ZBTB18: variants seen among roughly 807,000 people sequenced by gnomAD.
The protein encoded by ZBTB18 is zinc finger and BTB domain-containing protein 18.
A neutral mutation model predicts 37.7 loss-of-function variants in ZBTB18; 2 were observed. The ratio of observed to expected loss-of-function variants is 0.05; its 90% CI spans 0.02 to 0.17. The LOEUF (loss-of-function observed/expected upper bound fraction) is 0.17, where lower values mean the gene tolerates loss of function less well. ZBTB18 is among the 10% of genes least tolerant of loss of function. ZBTB18 has a pLI of 1.00. For missense variants in ZBTB18, 408 were observed against 686.3 expected, an observed-to-expected ratio of 0.59 and a Z score of 4.53; for synonymous variants, 304 against 276.5, an observed-to-expected ratio of 1.10 and a Z score of -0.99.
At position 244,053,198 on chromosome 1, in the gene ZBTB18, A is replaced by G. The variant is rs1698386705; in HGVS notation, c.14-590A>G. On this transcript the variant is annotated intron_variant, in intron 1 of 1. Coordinates refer to ENST00000358704, the MANE Select transcript of ZBTB18 (RefSeq NM_205768.3). The surrounding 1 kb of genome is among the most constrained non-coding windows in gnomAD (Gnocchi z 5.2). ...CTTTTGTTGTAACACCCTGACTTTA[A>G]AAGTAAGTTGTTTGCTAATTTCTGG... Among the ~76,000 whole-genome samples the G allele has an allele frequency of 6.6e-6, 1 of 152,176 alleles. No individual in the cohort carries two copies. Among genetic ancestry groups the G allele is most frequent in the Admixed American group, 6.5e-5 (1 of 15,284 alleles).
upstream of ZBTB18, among the ~76,000 whole-genome samples, chr1:244,050,441 C>CA (rs386370274): frequency 1.4e-5 from 2 of 140,778 alleles, no homozygotes; most frequent in East Asian, 2.3e-4. Context: ...GTGACCCCCC[C>CA]CCAAAGAAAA....
intron 1 of ZBTB18, among the ~76,000 whole-genome samples, chr1:244,052,056 A>C (rs1171992212): frequency 6.6e-6 from 1 of 152,214 alleles, no homozygotes; most frequent in African/African-American, 2.4e-5. Flanking sequence ...CAGCATAACA[A>C]TAATTATTTG....
At chr1:244,049,277 C>G (rs1698300459), upstream of ZBTB18, among the ~76,000 whole-genome samples, 1 of 142,302 alleles carries the variant, frequency 7.0e-6, no homozygotes, top group African/African-American at 2.5e-5. Context: ...GCCGCGCCCC[C>G]GCGGGCCGGT....
rs1232353596 is a variant in ZBTB18 at position 244,054,637 on chromosome 1, C to A, written c.863C>A (p.Ser288Tyr). ...CAGGTGAAGGTGGAGAAAGAGGCTT[C>A]CTGTGATGAGAGTGATGTTGGCACT... ...LVQVKVEKEA[S>Y]CDESDVGTND... The change falls in exon 2 of 2, where the codon TCC becomes TAC. Residue 288 changes from serine (S) to tyrosine (Y), a missense_variant. This residue lies in a region of ZBTB18 where 266 missense variants were observed against 312.0 expected (regional missense o/e 0.85). Coordinates refer to ENST00000358704, the MANE Select transcript of ZBTB18 (RefSeq NM_205768.3). The surrounding 1 kb of genome is among the most constrained non-coding windows in gnomAD (Gnocchi z 9.0). 1 of 1,614,220 alleles carries A rather than the reference C, an allele frequency of 6.2e-7. No individual in the cohort carries two copies. Among genetic ancestry groups the A allele is most frequent in the African/African-American group, 1.3e-5 (1 of 75,062 alleles).
In ZBTB18 at chr1:244,054,996, A is replaced by G; in HGVS notation, c.1222A>G (p.Ile408Val). 1.2e-6 allele frequency: 2 copies of G among 1,614,102 alleles called. No individual in the cohort carries two copies. The highest frequency in any genetic ancestry group is 1.7e-6 in the Non-Finnish European group (2 of 1,180,032). Residue 408 changes from isoleucine (I) to valine (V), a missense_variant, in exon 2 of 2, where the codon ATC becomes GTC. Ile to Val is a conservative substitution (Grantham distance 29, BLOSUM62 3). This residue lies in a region of ZBTB18 where 266 missense variants were observed against 312.0 expected (regional missense o/e 0.85). Transcript: ENST00000358704. The surrounding 1 kb of genome is among the most constrained non-coding windows in gnomAD (Gnocchi z 9.0). ...CACGCACTTCCGCGAGCAGGACGGC[A>G]TCCGCAGCAAGCCCGCCGCCGATGT... is the stretch of plus-strand genomic sequence containing the variant. ...LSTHFREQDG[I>V]RSKPAADVNV... is the part of the protein sequence containing the mutation.
At chr1:244,049,972 G>T (rs1224719670), upstream of ZBTB18, among the ~76,000 whole-genome samples, 1 of 152,226 alleles carries the variant, frequency 6.6e-6, no homozygotes, top group Non-Finnish European at 1.5e-5. Context: ...GAGGGCATTT[G>T]TGGAGAATAG....
chr1:244,050,722 G>T (rs1698330825), upstream of ZBTB18, among the ~76,000 whole-genome samples: 1 of 152,112 alleles, frequency 6.6e-6, no homozygotes, highest in South Asian at 2.1e-4. Context: ...TTACATAAGA[G>T]TGAAATAATA....
chr1:244,049,085 C>G (rs1428773833), upstream of ZBTB18: 49 of 145,090 alleles, frequency 3.4e-4, no homozygotes, highest in African/African-American at 1.1e-3. Flanking sequence ...TGTGCGGCCC[C>G]GGCCGGCTGG....
chr1:244,054,315 A>C lies in ZBTB18; in HGVS notation c.541A>C (p.Ser181Arg), dbSNP rs771848755. Residue 181 changes from serine to arginine, a missense_variant, in exon 2 of 2, where the codon AGC (serine) becomes CGC (arginine). Transcript: ENST00000358704. This position sits in a 1 kb window ranked among gnomAD's most constrained non-coding sequence, Gnocchi z 9.0. Reference sequence around the variant, plus strand: ...AGATGAAAAATTGAACATCCTGCCCAGCAAAAGGGACTTGGCGGCCGAGCC... The same window carrying C: ...AGATGAAAAATTGAACATCCTGCCCCGCAAAAGGGACTTGGCGGCCGAGCC... ...GEDEKLNILPSKRDLAAEPGN... is the reference protein window; with the variant it reads ...GEDEKLNILPRKRDLAAEPGN... 1 of 1,614,212 alleles carries C rather than the reference A, an allele frequency of 6.2e-7. No individual in the cohort carries two copies. Among genetic ancestry groups the C allele is most frequent in the East Asian group, 2.2e-5 (1 of 44,860 alleles).
Position 244,055,835 on chromosome 1 carries a change from C to A in ZBTB18, c.*465C>A, listed in dbSNP as rs1281707157. On this transcript the variant is annotated 3_prime_UTR_variant, in exon 2 of 2. Coordinates refer to ENST00000358704, the MANE Select transcript of ZBTB18 (RefSeq NM_205768.3). The surrounding 1 kb of genome is among the most constrained non-coding windows in gnomAD (Gnocchi z 7.0). ...TGTTGGAAACCTGAATGCTTTTAGA[C>A]CCAAATGGAAAATTTCTGAAATGCT... 2 of 166,604 alleles carry A rather than the reference C, an allele frequency of 1.2e-5. No homozygotes were observed. Among genetic ancestry groups the A allele is most frequent in the Admixed American group, 6.6e-5 (1 of 15,238 alleles). The allele number at this position is 166,604 out of a possible 1,614,324, so 10.3% of individuals were successfully genotyped here.
rs774550090 is a variant in ZBTB18 at position 244,054,360 on chromosome 1, T to C, written c.586T>C (p.Leu196=). ...AAEPGNMWMR[L]PSDSAGIPQA... ...CGAGCCTGGGAACATGTGGATGCGA[T>C]TGCCCTCAGACTCAGCAGGCATCCC... Residue 196 remains leucine (L), a synonymous_variant, in exon 2 of 2, where the codon TTG becomes CTG. Transcript: ENST00000358704. The surrounding 1 kb of genome is among the most constrained non-coding windows in gnomAD (Gnocchi z 9.0). 22 of 1,614,028 alleles carry C rather than the reference T, an allele frequency of 1.4e-5. No homozygotes were observed. The African/African-American group carries it at 2.7e-4, about 20-fold the overall frequency.
At position 244,056,599 on chromosome 1, in the gene ZBTB18, TTTTG is replaced by T. The variant is rs1432969711; in HGVS notation, c.*1234_*1237del. ...TGACAATAGGTCGTTCTCTCTTTTT[TTTTG>T]TTTGCTCCCTTTTTCTTTTTCTCCC... On this transcript the variant is annotated 3_prime_UTR_variant, in exon 2 of 2. Transcript: ENST00000358704. 4.2e-5 allele frequency: 7 copies of T among 166,596 alleles called. No individual in the cohort carries two copies. The East Asian group carries it at 1.4e-3, about 32-fold the overall frequency. 10.3% of individuals were successfully genotyped at this position (166,596 alleles called of 1,614,324 possible).
upstream of ZBTB18, chr1:244,048,931 AG>A (rs1335607164): frequency 1.9e-5 from 3 of 156,796 alleles, no homozygotes; most frequent in Non-Finnish European, 4.0e-5. Context: ...GGCCGGGAGG[AG>A]GAGGAGGAGG....
chr1:244,053,953 T>A lies in ZBTB18; in HGVS notation c.179T>A (p.Leu60His). The A allele has an allele frequency of 6.2e-7, 1 of 1,614,144 alleles. No individual in the cohort carries two copies. Among genetic ancestry groups the A allele is most frequent in the Non-Finnish European group, 8.5e-7 (1 of 1,180,038 alleles). ...GCTTCATGCAGCATGTATTTCCACC[T>A]CTTTTACAAGGACCAGCTGGACAAA... Reference protein sequence around the residue: ...VLASCSMYFHLFYKDQLDKRD... With the variant: ...VLASCSMYFHHFYKDQLDKRD... Residue 60 changes from leucine to histidine, a missense_variant, in exon 2 of 2, where the codon CTC (leucine) becomes CAC (histidine). Physicochemically the swap from Leu to His is moderately conservative, Grantham distance 99. Around this residue, in one of 4 missense-constraint regions of ZBTB18, gnomAD observed 95 missense variants for 218.7 expected, o/e 0.43. Transcript: ENST00000358704. The surrounding 1 kb of genome is among the most constrained non-coding windows in gnomAD (Gnocchi z 5.2).
upstream of ZBTB18, chr1:244,048,831 G>A (rs1698288005): frequency 1.4e-5 from 2 of 146,404 alleles, no homozygotes; most frequent in African/African-American, 2.5e-5. Flanking sequence ...GGGGGAGCGG[G>A]CGACGGAGCC....
At chr1:244,051,113 A>G (rs946420767), upstream of ZBTB18, among the ~76,000 whole-genome samples, 2 of 152,272 alleles carry the variant, frequency 1.3e-5, no homozygotes, top group African/African-American at 2.4e-5. Context: ...TTATACTAAC[A>G]GAAGAGAAAA....
chr1:244,050,057 G>A (rs569117417), upstream of ZBTB18, among the ~76,000 whole-genome samples: 1 of 152,322 alleles, frequency 6.6e-6, no homozygotes, highest in South Asian at 2.1e-4. Context: ...GTCACTCACC[G>A]CGAAGTTGGA....
rs1219902873 is a variant in ZBTB18 at position 244,054,389 on chromosome 1, G to A, written c.615G>A (p.Gln205=). The A allele has an allele frequency of 6.2e-7, 1 of 1,614,208 alleles. No homozygotes were observed. Among genetic ancestry groups the A allele is most frequent in the Non-Finnish European group, 8.5e-7 (1 of 1,180,048 alleles). Residue 205 remains glutamine (Q), a synonymous_variant, in exon 2 of 2, where the codon CAG becomes CAA. Transcript: ENST00000358704. The surrounding 1 kb of genome is among the most constrained non-coding windows in gnomAD (Gnocchi z 9.0). ...CCTCAGACTCAGCAGGCATCCCCCA[G>A]GCTGGCGGAGAGGCAGAGCCACACG... ...RLPSDSAGIP[Q]AGGEAEPHAT...
chr1:244,048,893 G>T, upstream of ZBTB18: 1 of 159,790 alleles, frequency 6.3e-6, no homozygotes, highest in Non-Finnish European at 1.3e-5. Flanking sequence ...GCCGGAGGAA[G>T]CCCACCAAGT....
Sources: gnomAD v4.1 joint callset for allele counts (sites outside exome capture counted in the v4.1 genomes callset) on GRCh38, gnomAD v4.1.1 for gene constraint, gnomAD v4.1.1 regional missense constraint, Gnocchi (gnomAD v3.1) non-coding constraint, MANE v1.5 for transcripts, NCBI Gene and HGNC (gene_info 2026-07-23, HGNC 2026-07-21) for gene names.